The following TMEM114 variants were observed in gnomAD, a reference collection of about 807,000 sequenced individuals.
The protein encoded by TMEM114 is transmembrane protein 114, also known as claudin-26.
In TMEM114, 6 loss-of-function variants were observed where a neutral mutation model predicts 6.2. The observed-to-expected ratio is 0.97, with a 90% CI of 0.53 to 1.91. The LOEUF is 1.91. TMEM114 is among the 40% of genes most tolerant of loss of function. The probability of loss-of-function intolerance (pLI) is 0.01; values close to 1 mark genes in which losing one functional copy is unlikely to be tolerated. For synonymous variants in TMEM114, 104 were observed against 73.0 expected, an observed-to-expected ratio of 1.42 and a Z score of -2.16; for missense variants, 218 against 158.3, an observed-to-expected ratio of 1.38 and a Z score of -2.02.
At chr16:8,578,934 G>A (rs893083721) in intron 2 of TMEM114, among the ~76,000 whole-genome samples, 2 of 152,126 alleles carry the variant, frequency 1.3e-5, no homozygotes, top group Non-Finnish European at 2.9e-5. Context: ...AGCTGAGATT[G>A]TGCCACTGCA....
chr16:8,563,223 AAGTGAATGAGTG>A (rs1901345752), intron 2 of TMEM114, among the ~76,000 whole-genome samples: 2 of 147,124 alleles, frequency 1.4e-5, no homozygotes, highest in African/African-American at 2.5e-5. Flanking sequence ...GCAAATAAGT[AAGTGAATGAGTG>A]AGTGAATGAG....
intron 2 of TMEM114, among the ~76,000 whole-genome samples, chr16:8,561,805 TGAGTGAAGGAGG>T (rs1451190382): frequency 8.0e-5 from 12 of 149,868 alleles, no homozygotes; most frequent in Non-Finnish European, 1.3e-4. Context: ...AGTGAATGAG[TGAGTGAAGGAGG>T]GAGTGAATGA....
At chr16:8,549,349 A>C (rs1323276218) in intron 2 of TMEM114, among the ~76,000 whole-genome samples, 3 of 151,652 alleles carry the variant, frequency 2.0e-5, no homozygotes, top group Middle Eastern at 3.2e-3. Flanking sequence ...AAAATACAAA[A>C]ATTAGCCCGA....
At chr16:8,566,285 G>C (rs977675692), downstream of TMEM114, among the ~76,000 whole-genome samples, 16 of 151,498 alleles carry the variant, frequency 1.1e-4, no homozygotes, top group African/African-American at 3.9e-4. Context: ...GCTGAGGCAG[G>C]AGAATCACTT....
At chr16:8,547,282 G>A (rs189272936) in intron 2 of TMEM114, among the ~76,000 whole-genome samples, 37 of 152,254 alleles carry the variant, frequency 2.4e-4, no homozygotes, top group Non-Finnish European at 3.7e-4. Flanking sequence ...TTCTCCAAAG[G>A]GGTTAAGCAA....
At chr16:8,566,626 A>T (rs544962245), downstream of TMEM114, among the ~76,000 whole-genome samples, 1 of 152,298 alleles carries the variant, frequency 6.6e-6, no homozygotes, top group South Asian at 2.1e-4. Flanking sequence ...ACCACGGGCC[A>T]TGGGCATCGC....
chr16:8,540,716 C>CCTAT (rs1416267868), intron 2 of TMEM114, among the ~76,000 whole-genome samples: 3 of 152,178 alleles, frequency 2.0e-5, no homozygotes, highest in African/African-American at 7.2e-5. Flanking sequence ...AGACATAGTT[C>CCTAT]CTATCTTCTT....
intron 2 of TMEM114, among the ~76,000 whole-genome samples, chr16:8,582,727 T>C (rs1372602959): frequency 2.6e-5 from 4 of 152,032 alleles, no homozygotes; most frequent in African/African-American, 9.7e-5. Context: ...CCATCTCTAC[T>C]AAAAATACAA....
downstream of TMEM114, among the ~76,000 whole-genome samples, chr16:8,532,855 C>T (rs897503781): frequency 2.0e-5 from 3 of 151,960 alleles, no homozygotes; most frequent in Non-Finnish European, 2.9e-5. Context: ...ACCCAGGAGG[C>T]GGAGCTTGCA....
chr16:8,547,946 G>T (rs1900723674), intron 2 of TMEM114, among the ~76,000 whole-genome samples: 1 of 152,134 alleles, frequency 6.6e-6, no homozygotes, highest in South Asian at 2.1e-4. Flanking sequence ...CCAACATCTG[G>T]ATTTGCTGGG....
At chr16:8,571,939 A>T in intron 3 of TMEM114, 148 bp downstream of exon 3, 1 of 1,012,118 alleles carries the variant, frequency 9.9e-7, no homozygotes, top group Non-Finnish European at 1.4e-6. Context: ...GCTGGAAACC[A>T]CTCATCTCTT....
downstream of TMEM114, among the ~76,000 whole-genome samples, chr16:8,565,513 C>G (rs377249768): frequency 1.3e-5 from 2 of 152,254 alleles, no homozygotes; most frequent in South Asian, 2.1e-4. Flanking sequence ...GGACACGCGC[C>G]GTAGTCCCAC....
intron 2 of TMEM114, among the ~76,000 whole-genome samples, chr16:8,581,968 A>C (rs1902166720): frequency 6.6e-6 from 1 of 152,150 alleles, no homozygotes; most frequent in Non-Finnish European, 1.5e-5. Flanking sequence ...CAGCCTCTTC[A>C]AGCATTTATG....
chr16:8,566,087 C>A (rs1218072761), downstream of TMEM114, among the ~76,000 whole-genome samples: 1 of 152,012 alleles, frequency 6.6e-6, no homozygotes, highest in African/African-American at 2.4e-5. Flanking sequence ...CAGAATGGAT[C>A]GGGCCAGGCA....
intron 2 of TMEM114, among the ~76,000 whole-genome samples, chr16:8,549,427 G>C (rs946621437): frequency 2.0e-5 from 3 of 151,048 alleles, no homozygotes; most frequent in African/African-American, 7.3e-5. Flanking sequence ...TTGAACCCAG[G>C]GGGCAGAGGT....
chr16:8,541,933 G>A (rs2141649810), intron 2 of TMEM114, among the ~76,000 whole-genome samples: 1 of 152,302 alleles, frequency 6.6e-6, no homozygotes, highest in South Asian at 2.1e-4. Flanking sequence ...CAAGAACAAA[G>A]GGCTTAGAGA....
At chr16:8,535,716 T>C (rs1207383988), downstream of TMEM114, among the ~76,000 whole-genome samples, 1 of 152,184 alleles carries the variant, frequency 6.6e-6, no homozygotes, top group Non-Finnish European at 1.5e-5. Context: ...CAAATTTTGG[T>C]TCCTGCATAA....
At chr16:8,564,529 G>C (rs1307212747), downstream of TMEM114, among the ~76,000 whole-genome samples, 1 of 132,642 alleles carries the variant, frequency 7.5e-6, no homozygotes, top group Admixed American at 7.4e-5. Flanking sequence ...GACGGAGGGA[G>C]GGAATGAGTG....
intron 2 of TMEM114, among the ~76,000 whole-genome samples, chr16:8,559,397 C>A (rs536304345): frequency 1.4e-5 from 2 of 140,362 alleles, no homozygotes; most frequent in Non-Finnish European, 3.0e-5. Flanking sequence ...TCAGGACCAA[C>A]GTCCCAGCTG....
Sources: gnomAD v4.1 joint callset for allele counts (sites outside exome capture counted in the v4.1 genomes callset) on GRCh38, gnomAD v4.1.1 for gene constraint, MANE v1.5 for transcripts, NCBI Gene and HGNC (gene_info 2026-07-23, HGNC 2026-07-21) for gene names.